Variants in NSD1 observed in about 807,000 individuals in gnomAD.
The protein encoded by NSD1 is histone-lysine N-methyltransferase, H3 lysine-36 specific.
Under a neutral mutation model 242.7 loss-of-function variants are expected in NSD1, and 26 were observed. The ratio of observed to expected loss-of-function variants is 0.11; its 90% CI spans 0.08 to 0.15. NSD1 has a LOEUF of 0.15. Ranked by LOEUF, NSD1 falls within the 10% of genes least tolerant of loss-of-function variation. The pLI, the probability that NSD1 is intolerant of heterozygous loss-of-function variation, is 1.00. For missense variants in NSD1, 2,495 were observed against 3,272.8 expected, an observed-to-expected ratio of 0.76 and a Z score of 5.80; for synonymous variants, 1,106 against 1,178.1, an observed-to-expected ratio of 0.94 and a Z score of 1.25.
At chr5:177,185,806 TAA>T (rs1761100558) in intron 2 of NSD1, among the ~76,000 whole-genome samples, 1 of 87,766 alleles carries the variant, frequency 1.1e-5, no homozygotes, top group South Asian at 3.0e-4. Context: ...TATATATATA[TAA>T]ATTTATATAT....
chr5:177,159,694 C>A (rs1035052988), intron 2 of NSD1, among the ~76,000 whole-genome samples: 1 of 150,488 alleles, frequency 6.6e-6, no homozygotes, highest in Non-Finnish European at 1.5e-5. Flanking sequence ...CTCCCACGTT[C>A]AAGCAATTCT....
intron 4 of NSD1, among the ~76,000 whole-genome samples, chr5:177,207,314 G>A (rs1021887840): frequency 6.7e-6 from 1 of 150,344 alleles, no homozygotes; most frequent in Non-Finnish European, 1.5e-5. Flanking sequence ...ACAGAGTCTC[G>A]CTCTGTTGTG....
chr5:177,145,654 T>A (rs1321565119), intron 2 of NSD1, among the ~76,000 whole-genome samples: 1 of 152,180 alleles, frequency 6.6e-6, no homozygotes, highest in East Asian at 1.9e-4. Flanking sequence ...GGCTCACGCC[T>A]GTAATCCCAG....
chr5:177,135,045 G>A, intron 1 of NSD1, 42 bp from the exon 2 acceptor site: 1 of 1,538,664 alleles, frequency 6.5e-7, no homozygotes, highest in Non-Finnish European at 9.0e-7. Flanking sequence ...CGAGTCAGAT[G>A]GCCTATTAAC....
At chr5:177,192,354 G>C (rs1761760030) in intron 3 of NSD1, among the ~76,000 whole-genome samples, 1 of 151,566 alleles carries the variant, frequency 6.6e-6, no homozygotes, top group Non-Finnish European at 1.5e-5. Context: ...GGGATTACAG[G>C]CATCCGCCAC....
chr5:177,224,221 G>C (rs1260803950), intron 5 of NSD1, among the ~76,000 whole-genome samples: 1 of 152,116 alleles, frequency 6.6e-6, no homozygotes, highest in Non-Finnish European at 1.5e-5. Flanking sequence ...GATTTTGATA[G>C]GGATTGTGCT....
At chr5:177,167,215 T>C (rs1038313322) in intron 2 of NSD1, among the ~76,000 whole-genome samples, 3 of 152,090 alleles carry the variant, frequency 2.0e-5, no homozygotes, top group Non-Finnish European at 4.4e-5. Flanking sequence ...TCTTTTTCCA[T>C]TGACTATTGT....
At chr5:177,192,648 G>A (rs1379253566) in intron 3 of NSD1, among the ~76,000 whole-genome samples, 3 of 152,078 alleles carry the variant, frequency 2.0e-5, no homozygotes, top group Non-Finnish European at 4.4e-5. Context: ...TGCCTGCCTT[G>A]GCCTCCCAAA....
chr5:177,207,181 C>A (rs888084197), intron 4 of NSD1, among the ~76,000 whole-genome samples: 1 of 152,118 alleles, frequency 6.6e-6, no homozygotes, highest in African/African-American at 2.4e-5. Flanking sequence ...AGGTGACCCC[C>A]CGCCATCCCC....
intron 2 of NSD1, among the ~76,000 whole-genome samples, chr5:177,177,153 G>A (rs1407315000): frequency 3.3e-5 from 5 of 152,180 alleles, no homozygotes; most frequent in Non-Finnish European, 2.9e-5. Context: ...TGGGAATACT[G>A]TGATGAGCAG....
Position 177,193,798 on chromosome 5 carries a change from G to A in NSD1, c.1063+1779G>A, listed in dbSNP as rs935067170. Among the ~76,000 whole-genome samples the A allele has an allele frequency of 5.3e-5, 8 of 152,022 alleles. No homozygotes were observed. In the South Asian group the frequency reaches 8.3e-4, roughly 16 times the overall value. On this transcript the variant is annotated intron_variant, in intron 3 of 22. Coordinates refer to ENST00000439151, the MANE Select transcript of NSD1 (RefSeq NM_022455.5). ...TGTTGTTGTTGTTTTGTTTTGAGAC[G>A]GAATCTTGCTCTGTCACGTACGTTG...
Position 177,211,527 on chromosome 5 carries a change from T to C in NSD1, c.3128T>C (p.Val1043Ala). ...AFSAQMVKNT[V>A]NRKALKTERK... ...TCAGCCCAAATGGTAAAGAACACAG[T>C]GAACCGTAAAGCCTTAAAGACCGAG... Residue 1043 changes from valine (V) to alanine (A), a missense_variant, in exon 5 of 23, where the codon GTG (valine) becomes GCG (alanine). By Grantham distance (64) the Val-to-Ala change is moderately conservative. Transcript: ENST00000439151. 1.2e-6 allele frequency: 2 copies of C among 1,614,072 alleles called. No homozygotes were observed. The highest frequency in any genetic ancestry group is 1.1e-5 in the South Asian group (1 of 91,080).
intron 2 of NSD1, among the ~76,000 whole-genome samples, chr5:177,189,759 G>A (rs1176708043): frequency 2.0e-5 from 3 of 152,068 alleles, no homozygotes; most frequent in Non-Finnish European, 2.9e-5. Context: ...TCCATATTTA[G>A]CAGTGCCAAA....
In NSD1 at chr5:177,204,106, T is replaced by C; in HGVS notation, c.1064-14T>C. 1 of 1,613,184 alleles carries C rather than the reference T, an allele frequency of 6.2e-7. No homozygotes were observed. The highest frequency in any genetic ancestry group is 8.5e-7 in the Non-Finnish European group (1 of 1,179,216). Reference sequence around the variant, plus strand: ...CTTTGATCTAATGATTCTGGTTCTCTTACCCTTACCTAGTTTCCAACCGGA... The same window carrying C: ...CTTTGATCTAATGATTCTGGTTCTCCTACCCTTACCTAGTTTCCAACCGGA... On this transcript the variant is annotated splice_polypyrimidine_tract_variant and intron_variant, in intron 3 of 22. Transcript: ENST00000439151.
intron 16 of NSD1, among the ~76,000 whole-genome samples, chr5:177,272,582 A>G (rs979837653): frequency 1.3e-5 from 2 of 152,306 alleles, no homozygotes; most frequent in African/African-American, 4.8e-5. Flanking sequence ...AGATACTGCA[A>G]TCTTTTAAAC....
At chr5:177,197,554 G>A (rs1179583360) in intron 3 of NSD1, among the ~76,000 whole-genome samples, 1 of 152,068 alleles carries the variant, frequency 6.6e-6, no homozygotes, top group Non-Finnish European at 1.5e-5. Flanking sequence ...CCCGGGAGGC[G>A]GAGCTTGCAG....
rs949940068 is a variant in NSD1, at chr5:177,270,202, A to G, written c.5509+395A>G. Among the ~76,000 whole-genome samples the G allele has an allele frequency of 5.1e-5, 7 of 137,244 alleles. No homozygotes were observed. The East Asian group carries it at 1.2e-3, about 24-fold the overall frequency. The allele number at this position is 137,244 out of a possible 152,430, so 90.0% of individuals were successfully genotyped here. On this transcript the variant is annotated intron_variant, in intron 16 of 22. Transcript: ENST00000439151. ...CTTGTCTTGTCTTGAGCTCGTTGGGAAGAAGTAAAATTCACCAGATATTGT... is the reference window on the plus strand; with the variant it reads ...CTTGTCTTGTCTTGAGCTCGTTGGGGAGAAGTAAAATTCACCAGATATTGT...
chr5:177,259,139 C>T (rs574421234), intron 13 of NSD1, among the ~76,000 whole-genome samples: 1 of 152,208 alleles, frequency 6.6e-6, no homozygotes, highest in Non-Finnish European at 1.5e-5. Flanking sequence ...CTGGAAAAAC[C>T]CAATACTGTA....
intron 5 of NSD1, among the ~76,000 whole-genome samples, chr5:177,232,546 C>T (rs920213508): frequency 6.6e-6 from 1 of 152,166 alleles, no homozygotes. Flanking sequence ...CTTCCATCAC[C>T]CTTCAGCTTA....
Sources: gnomAD v4.1 joint callset for allele counts (sites outside exome capture counted in the v4.1 genomes callset) on GRCh38, gnomAD v4.1.1 for gene constraint, MANE v1.5 for transcripts, NCBI Gene and HGNC (gene_info 2026-07-23, HGNC 2026-07-21) for gene names.